PEAK1: variants seen among roughly 807,000 people sequenced by gnomAD.
PEAK1 encodes pseudopodium enriched atypical kinase 1.
A neutral mutation model predicts 124.7 loss-of-function variants in PEAK1; 54 were observed. The observed-to-expected ratio is 0.43, with a 90% confidence interval of 0.35 to 0.54. The LOEUF is 0.54. PEAK1 is among the 20% of genes least tolerant of loss of function. The probability of loss-of-function intolerance (pLI) is 0.01; values close to 1 mark genes in which losing one functional copy is unlikely to be tolerated. For synonymous variants in PEAK1, 719 were observed against 760.0 expected (o/e 0.95, Z 0.89); for missense variants, 2,046 against 2,134.5 (o/e 0.96, Z 0.82).
intron 8 of PEAK1, 55 bp downstream of exon 8, chr15:77,158,448 G>A (rs182562430): frequency 6.9e-7 from 1 of 1,456,300 alleles, no homozygotes; most frequent in East Asian, 2.3e-5. Context: ...AGAACATTTG[G>A]CTAGTACAGA....
intron 9 of PEAK1, among the ~76,000 whole-genome samples, chr15:77,126,976 T>C (rs1261697313): frequency 6.6e-6 from 1 of 152,234 alleles, no homozygotes. Context: ...CCCCAACCTC[T>C]TCATATGTTG....
chr15:77,248,395 T>C (rs981616402), intron 6 of PEAK1, among the ~76,000 whole-genome samples: 11 of 152,230 alleles, frequency 7.2e-5, no homozygotes, highest in Non-Finnish European at 1.3e-4. Context: ...CCGTATTCCG[T>C]TGAATGAATA....
chr15:77,311,519 T>A (rs1873954787), intron 2 of PEAK1, among the ~76,000 whole-genome samples: 1 of 151,114 alleles, frequency 6.6e-6, no homozygotes, highest in African/African-American at 2.4e-5. Flanking sequence ...CTACTAAAAA[T>A]ACAAAAATTA....
intron 8 of PEAK1, among the ~76,000 whole-genome samples, chr15:77,144,820 C>A (rs2054053687): frequency 6.6e-6 from 1 of 152,164 alleles, no homozygotes; most frequent in South Asian, 2.1e-4. Context: ...GACAAGTTCT[C>A]CTAACTGAAT....
chr15:77,163,603 G>GTAC lies in PEAK1; in HGVS notation c.3138-4908_3138-4907insGTA, dbSNP rs1454572842. 2.6e-5 allele frequency among the ~76,000 whole-genome samples: 4 copies of GTAC among 152,202 alleles called. No individual in the cohort carries two copies. The East Asian group carries it at 7.7e-4, about 29-fold the overall frequency. ...AATGTCTGAGTGTACTTTTTAAAAA[G>GTAC]GCAAATCAAATTCCACATTAGAACA... On this transcript the variant is annotated intron_variant, in intron 7 of 9. Coordinates refer to ENST00000682557, the MANE Select transcript of PEAK1 (RefSeq NM_001385026.1).
chr15:77,234,812 A>T (rs78917960), intron 6 of PEAK1, among the ~76,000 whole-genome samples: 20,636 of 151,886 alleles, frequency 0.14, 1,887 homozygotes, highest in African/African-American at 0.26. Context: ...ATTAAAAAAA[A>T]ATATATATAT....
At chr15:77,344,035 C>T (rs1456099300) in intron 2 of PEAK1, among the ~76,000 whole-genome samples, 1 of 152,160 alleles carries the variant, frequency 6.6e-6, no homozygotes, top group African/African-American at 2.4e-5. Flanking sequence ...ATTGAATGGT[C>T]TCGCCACCCT....
At chr15:77,129,599 C>CTTTTT (rs148499293) in intron 9 of PEAK1, among the ~76,000 whole-genome samples, 2 of 130,000 alleles carry the variant, frequency 1.5e-5, no homozygotes, top group East Asian at 2.1e-4. Flanking sequence ...CAATGACTGG[C>CTTTTT]TATTTTTTTT....
chr15:77,332,752 T>C (rs1386437527), intron 2 of PEAK1, among the ~76,000 whole-genome samples: 2 of 151,814 alleles, frequency 1.3e-5, no homozygotes, highest in African/African-American at 4.8e-5. Context: ...GGTACTTCAT[T>C]TTTTTTTAAC....
chr15:77,208,138 A>G (rs1262744908), intron 6 of PEAK1, among the ~76,000 whole-genome samples: 1 of 152,168 alleles, frequency 6.6e-6, no homozygotes, highest in East Asian at 1.9e-4. Flanking sequence ...TACTATATAC[A>G]GTGCTTCAGG....
Position 77,114,633 on chromosome 15 carries a change from T to C in PEAK1, c.4764A>G (p.Lys1588=). ...APEIITATQY[K]KCDEFQTGIL... ...TGCCTGTCTGGAACTCATCACACTT[T>C]TTATACTGGGTAGCTGTTATGATCT... The change falls in exon 10 of 10, where the codon AAA becomes AAG. Residue 1588 remains lysine, a synonymous_variant. Coordinates refer to ENST00000682557, the MANE Select transcript of PEAK1 (RefSeq NM_001385026.1). The C allele has an allele frequency of 1.2e-6, 2 of 1,613,906 alleles. No individual in the cohort carries two copies. Among genetic ancestry groups the C allele is most frequent in the South Asian group, 1.1e-5 (1 of 91,034 alleles).
At chr15:77,372,196 T>C (rs1009334168) in intron 1 of PEAK1, among the ~76,000 whole-genome samples, 1 of 152,254 alleles carries the variant, frequency 6.6e-6, no homozygotes. Flanking sequence ...TGTTGTCGAT[T>C]TGCTATATTT....
At chr15:77,214,722 C>T (rs1435769533) in intron 6 of PEAK1, among the ~76,000 whole-genome samples, 1 of 151,932 alleles carries the variant, frequency 6.6e-6, no homozygotes, top group Non-Finnish European at 1.5e-5. Context: ...AAACTTACAA[C>T]TGTGGCAGAA....
intron 5 of PEAK1, among the ~76,000 whole-genome samples, chr15:77,280,323 A>G (rs1485407137): frequency 1.3e-5 from 2 of 152,174 alleles, no homozygotes; most frequent in African/African-American, 4.8e-5. Context: ...CCTGGGCAAC[A>G]GAGTGAGTGA....
intron 1 of PEAK1, among the ~76,000 whole-genome samples, chr15:77,392,109 T>G (rs547045379): frequency 6.6e-6 from 1 of 152,330 alleles, no homozygotes; most frequent in South Asian, 2.1e-4. Context: ...AAGGCCAGAC[T>G]GTAGTTCATT....
At chr15:77,165,877 G>A (rs1052937776) in intron 7 of PEAK1, among the ~76,000 whole-genome samples, 3 of 152,164 alleles carry the variant, frequency 2.0e-5, no homozygotes, top group African/African-American at 7.2e-5. Flanking sequence ...GGGTAGTAAG[G>A]TGGTGGTAGA....
intron 6 of PEAK1, among the ~76,000 whole-genome samples, chr15:77,250,789 G>C: frequency 6.6e-6 from 1 of 151,516 alleles, no homozygotes; most frequent in Non-Finnish European, 1.5e-5. Flanking sequence ...GGCTGGTCTT[G>C]AACTCCTGAC....
At chr15:77,409,082 A>C (rs975236565) in intron 1 of PEAK1, among the ~76,000 whole-genome samples, 10 of 152,040 alleles carry the variant, frequency 6.6e-5, no homozygotes, top group Admixed American at 2.6e-4. Context: ...AAAACAAACA[A>C]ACACAAAAAT....
chr15:77,336,532 C>T, intron 2 of PEAK1: 1 of 985,392 alleles, frequency 1.0e-6, no homozygotes. Context: ...TTGTTGCCCA[C>T]ATGAAATATA....
Sources: gnomAD v4.1 joint callset for allele counts (sites outside exome capture counted in the v4.1 genomes callset) on GRCh38, gnomAD v4.1.1 for gene constraint, MANE v1.5 for transcripts, NCBI Gene and HGNC (gene_info 2026-07-23, HGNC 2026-07-21) for gene names.